The following CSMD1 variants were observed in gnomAD, a reference collection of about 807,000 sequenced individuals.
The protein encoded by CSMD1 is CUB and sushi domain-containing protein 1.
In CSMD1, 213 loss-of-function variants were observed where a neutral mutation model predicts 417.5. The observed-to-expected ratio is 0.51, with a 90% CI of 0.46 to 0.57. CSMD1 has a LOEUF of 0.57. CSMD1 is among the 20% of genes least tolerant of loss of function. The pLI is 0.00. For missense variants in CSMD1, 6,923 were observed against 4,529.7 expected (o/e 1.53, Z -15.17); for synonymous variants, 2,862 against 1,736.8 (o/e 1.65, Z -16.11).
At chr8:3,988,076 A>C (rs144348701) in intron 5 of CSMD1, among the ~76,000 whole-genome samples, 352 of 152,334 alleles carry the variant, frequency 2.3e-3, no homozygotes, top group Non-Finnish European at 3.9e-3. Flanking sequence ...AACATAGGGA[A>C]GCTGTTGAAA....
chr8:4,016,876 T>C lies in CSMD1; in HGVS notation c.610+15029A>G, dbSNP rs562892954. Among the ~76,000 whole-genome samples, 5 of 152,336 alleles carry C rather than the reference T, an allele frequency of 3.3e-5. No individual in the cohort carries two copies. In the East Asian group the frequency reaches 9.7e-4, roughly 29 times the overall value. ...CAAGAACAGCAGTTTTAGTTGGGTA[T>C]GGTTCACAATCCTGAAAAACACAAT... On this transcript the variant is annotated intron_variant, in intron 4 of 69. Coordinates refer to ENST00000635120, the MANE Select transcript of CSMD1 (RefSeq NM_033225.6).
rs555293687 is a variant in CSMD1, at chr8:4,878,499, G to C, written c.85+115833C>G. Among the ~76,000 whole-genome samples the C allele has an allele frequency of 7.9e-5, 12 of 151,942 alleles. No individual in the cohort carries two copies. In the South Asian group the frequency reaches 1.2e-3, roughly 16 times the overall value. ...GACAGCATAGAATCATGATGATGAT[G>C]ATGATGATGATTTTTATTATTATTC... is the stretch of plus-strand genomic sequence containing the variant. On this transcript the variant is annotated intron_variant, in intron 1 of 69. Transcript: ENST00000635120.
rs192478569 is a variant in CSMD1, at chr8:3,829,419, A to G, written c.819-75377T>C. Among the ~76,000 whole-genome samples the G allele has an allele frequency of 2.1e-3, 323 of 152,278 alleles. 1 individual carries two copies. Among genetic ancestry groups the G allele is most frequent in the African/African-American group, 7.1e-3 (297 of 41,564 alleles). ...TTCAACCTACAACAGTCAGAATGAGATAAGTCAATACCGGTTCCACATGAA... is the reference window on the plus strand; with the variant it reads ...TTCAACCTACAACAGTCAGAATGAGGTAAGTCAATACCGGTTCCACATGAA... On this transcript the variant is annotated intron_variant, in intron 5 of 69. Coordinates refer to ENST00000635120, the MANE Select transcript of CSMD1 (RefSeq NM_033225.6).
chr8:4,758,584 C>T (rs1351660364), intron 1 of CSMD1, among the ~76,000 whole-genome samples: 1 of 152,160 alleles, frequency 6.6e-6, no homozygotes, highest in Non-Finnish European at 1.5e-5. Context: ...TATACCAAGA[C>T]TTGGCAATTT....
At chr8:4,412,273 G>T (rs11775580) in intron 3 of CSMD1, among the ~76,000 whole-genome samples, 1 of 152,110 alleles carries the variant, frequency 6.6e-6, no homozygotes, top group Non-Finnish European at 1.5e-5. Flanking sequence ...GATTTCTCAT[G>T]AATAGTTTAC....
chr8:4,937,513 A>C (rs1807702182), intron 1 of CSMD1, among the ~76,000 whole-genome samples: 1 of 152,212 alleles, frequency 6.6e-6, no homozygotes, highest in East Asian at 1.9e-4. Context: ...CAGAATGGTG[A>C]CAAAAAAAAC....
intron 10 of CSMD1, among the ~76,000 whole-genome samples, chr8:3,537,831 C>G (rs1379597674): frequency 6.6e-6 from 1 of 152,206 alleles, no homozygotes; most frequent in Non-Finnish European, 1.5e-5. Context: ...TCAAATGTTA[C>G]AGACACAATA....
rs958064268 is a variant in CSMD1 at position 4,906,249 on chromosome 8, C to G, written c.85+88083G>C. On this transcript the variant is annotated intron_variant, in intron 1 of 69. Transcript: ENST00000635120. The stretch of plus-strand genomic sequence containing the variant: ...TGTCTAAATTCTGAAGATGACACTT[C>G]CTGAACTCTTTTCCAAGTAAATATT... 2.6e-5 allele frequency among the ~76,000 whole-genome samples: 4 copies of G among 152,180 alleles called. No homozygotes were observed. The South Asian group carries it at 8.3e-4, about 32-fold the overall frequency.
intron 1 of CSMD1, among the ~76,000 whole-genome samples, chr8:4,988,215 C>T (rs150594402): frequency 1.8e-3 from 274 of 152,226 alleles, no homozygotes; most frequent in African/African-American, 6.2e-3. Context: ...CATTACTCTC[C>T]GCTTTACAAA....
intron 3 of CSMD1, among the ~76,000 whole-genome samples, chr8:4,076,115 T>A (rs373487957): frequency 6.6e-6 from 1 of 152,130 alleles, no homozygotes; most frequent in African/African-American, 2.4e-5. Flanking sequence ...CCACGTGTCA[T>A]GGGAGGGACC....
chr8:3,725,552 G>A (rs973356484), intron 6 of CSMD1, among the ~76,000 whole-genome samples: 1 of 152,138 alleles, frequency 6.6e-6, no homozygotes, highest in Non-Finnish European at 1.5e-5. Context: ...CCCATGAGCT[G>A]CTTGTATTAA....
chr8:3,585,751 C>T (rs1449017000), intron 9 of CSMD1, among the ~76,000 whole-genome samples: 1 of 152,120 alleles, frequency 6.6e-6, no homozygotes, highest in Non-Finnish European at 1.5e-5. Context: ...CTAAAAAATT[C>T]AACCTCACTG....
At chr8:4,714,140 G>A (rs548411812) in intron 1 of CSMD1, among the ~76,000 whole-genome samples, 3 of 151,700 alleles carry the variant, frequency 2.0e-5, no homozygotes, top group Non-Finnish European at 4.4e-5. Context: ...ACGCGACTCT[G>A]TCTCAAAAAG....
chr8:4,935,363 T>A (rs1807543072), intron 1 of CSMD1, among the ~76,000 whole-genome samples: 1 of 152,212 alleles, frequency 6.6e-6, no homozygotes, highest in South Asian at 2.1e-4. Flanking sequence ...GCCCTGTGTG[T>A]ATCCTTACCT....
intron 3 of CSMD1, among the ~76,000 whole-genome samples, chr8:4,246,813 T>G (rs186442885): frequency 5.4e-4 from 82 of 152,314 alleles, no homozygotes; most frequent in South Asian, 1.7e-3. Flanking sequence ...TATAGGACAT[T>G]TGACTTGTAA....
chr8:3,852,883 G>C (rs1019963794), intron 5 of CSMD1, among the ~76,000 whole-genome samples: 1 of 152,094 alleles, frequency 6.6e-6, no homozygotes, highest in Non-Finnish European at 1.5e-5. Context: ...ATCCACGCAG[G>C]TTCCTATTTC....
chr8:4,202,836 G>C lies in CSMD1; in HGVS notation c.416-170737C>G, dbSNP rs183707464. Among the ~76,000 whole-genome samples, 250 of 152,314 alleles carry C rather than the reference G, an allele frequency of 1.6e-3. 2 individuals are homozygous for C. The highest frequency in any genetic ancestry group is 6.8e-3 in the Middle Eastern group (2 of 294). On this transcript the variant is annotated intron_variant, in intron 3 of 69. Transcript: ENST00000635120. ...CCTAGAAAAAGAGGGCAGTGAAGCT[G>C]AAACTTGAAACATCAAATGCAGGTA...
intron 7 of CSMD1, among the ~76,000 whole-genome samples, chr8:3,621,993 G>A (rs1327782602): frequency 1.6e-5 from 2 of 128,934 alleles, no homozygotes; most frequent in East Asian, 7.8e-4. Context: ...GTGTGTGTAT[G>A]TGTGTGTGTG....
intron 3 of CSMD1, among the ~76,000 whole-genome samples, chr8:4,324,989 T>C (rs935163690): frequency 1.3e-5 from 2 of 152,112 alleles, no homozygotes; most frequent in African/African-American, 2.4e-5. Context: ...TGACACATCA[T>C]TGCATTCCTG....
Sources: allele counts gnomAD v4.1 joint callset (sites outside exome capture counted in the v4.1 genomes callset), GRCh38; gene constraint gnomAD v4.1.1; transcripts MANE v1.5; gene names NCBI Gene and HGNC (gene_info 2026-07-23, HGNC 2026-07-21).